Variants in MICAL3 observed in about 807,000 individuals in gnomAD.
The protein encoded by MICAL3 is microtubule associated monooxygenase, calponin and LIM domain containing 3.
MICAL3 carries 62 observed loss-of-function variants against 207.4 expected under a neutral mutation model. That is an observed-to-expected ratio of 0.30 (90% CI 0.24 to 0.37). MICAL3 has a LOEUF of 0.37. Among genes scored for constraint, MICAL3 ranks in the 10% least tolerant of loss-of-function variants. MICAL3 has a pLI of 1.00. For synonymous variants in MICAL3, 1,077 were observed against 1,069.3 expected (o/e 1.01, Z -0.14); for missense variants, 2,368 against 2,635.6 (o/e 0.90, Z 2.22).
intron 1 of MICAL3, among the ~76,000 whole-genome samples, chr22:17,914,582 G>A (rs1196240969): frequency 2.6e-5 from 4 of 152,158 alleles, no homozygotes; most frequent in Non-Finnish European, 4.4e-5. Context: ...CCGAGAGCAG[G>A]AACTTGCCTG....
At chr22:17,907,920 A>T (rs868627059) in intron 1 of MICAL3, among the ~76,000 whole-genome samples, 4 of 152,180 alleles carry the variant, frequency 2.6e-5, no homozygotes, top group Non-Finnish European at 5.9e-5. Context: ...GCAGTAAATG[A>T]CGATATCTAT....
At chr22:18,000,485 C>A (rs925309779) in intron 1 of MICAL3, among the ~76,000 whole-genome samples, 2 of 152,226 alleles carry the variant, frequency 1.3e-5, no homozygotes, top group Non-Finnish European at 2.9e-5. Context: ...GAGGGGCCTG[C>A]CAGACCCCTT....
intron 16 of MICAL3, among the ~76,000 whole-genome samples, chr22:17,877,863 G>A (rs976110494): frequency 1.4e-5 from 2 of 147,706 alleles, no homozygotes; most frequent in African/African-American, 2.5e-5. Flanking sequence ...TTTTGAGACC[G>A]AGTCTGATTC....
intron 23 of MICAL3, 148 bp downstream of exon 23, chr22:17,822,799 T>C: frequency 1.7e-6 from 1 of 575,938 alleles, no homozygotes; most frequent in Non-Finnish European, 3.1e-6. Context: ...GGTGGTTGGG[T>C]GGAATGAGAT....
chr22:17,820,738 G>A (rs1921490485), intron 25 of MICAL3, among the ~76,000 whole-genome samples: 2 of 151,316 alleles, frequency 1.3e-5, no homozygotes, highest in East Asian at 1.9e-4. Context: ...CCATCCCATC[G>A]ATATTATTGC....
intron 1 of MICAL3, among the ~76,000 whole-genome samples, chr22:17,936,054 G>A (rs1933509987): frequency 6.6e-6 from 1 of 152,184 alleles, no homozygotes; most frequent in Admixed American, 6.5e-5. Context: ...ATTACCATTT[G>A]ACCCAGCAAT....
At chr22:17,948,460 C>T (rs574446525) in intron 1 of MICAL3, among the ~76,000 whole-genome samples, 2 of 152,312 alleles carry the variant, frequency 1.3e-5, no homozygotes, top group East Asian at 3.9e-4. Flanking sequence ...TCCTGCTCCT[C>T]CCCTCCCCAG....
intron 16 of MICAL3, among the ~76,000 whole-genome samples, chr22:17,878,772 T>C (rs980092103): frequency 6.6e-6 from 1 of 152,160 alleles, no homozygotes; most frequent in African/African-American, 2.4e-5. Flanking sequence ...CTGCAATCAG[T>C]AATTTCTCCC....
intron 19 of MICAL3, chr22:17,842,315 T>C: frequency 2.5e-6 from 1 of 396,874 alleles, no homozygotes; most frequent in Non-Finnish European, 4.7e-6. Flanking sequence ...GAGTGACTGG[T>C]GGTGAGGGGT....
chr22:17,830,543 A>G (rs535568454), intron 21 of MICAL3, among the ~76,000 whole-genome samples: 83 of 152,358 alleles, frequency 5.4e-4, no homozygotes, highest in African/African-American at 1.9e-3. Flanking sequence ...TGTCTGGAAC[A>G]GTGCAAACAA....
intron 19 of MICAL3, among the ~76,000 whole-genome samples, chr22:17,846,892 AT>A (rs1164648617): frequency 3.9e-5 from 6 of 152,190 alleles, no homozygotes; most frequent in Admixed American, 3.3e-4. Context: ...CATATCCTAA[AT>A]AGGAAAGAGG....
rs536184968 is a variant in MICAL3 at position 18,014,647 on chromosome 22, A to G, written c.-75+9634T>C. On this transcript the variant is annotated intron_variant, in intron 1 of 31. Transcript: ENST00000441493. ...CTCTTAATGGGGGAAAAAGTCCCCA[A>G]AGATATGTTCCCTATGCTGGAAAAA... Among the ~76,000 whole-genome samples the G allele has an allele frequency of 1.8e-4, 28 of 152,286 alleles. No homozygotes were observed. In the South Asian group the frequency reaches 4.1e-3, roughly 23 times the overall value.
At chr22:17,811,902 G>A (rs1048573002) in intron 27 of MICAL3, among the ~76,000 whole-genome samples, 2 of 151,980 alleles carry the variant, frequency 1.3e-5, no homozygotes, top group African/African-American at 2.4e-5. Flanking sequence ...GTGCCACCTC[G>A]CCCGGACAAT....
chr22:17,931,250 C>T (rs754635236), intron 1 of MICAL3, among the ~76,000 whole-genome samples: 15 of 152,238 alleles, frequency 9.9e-5, no homozygotes, highest in Admixed American at 2.0e-4. Context: ...AAGTTGCACA[C>T]TCAAGCTTTG....
chr22:17,943,626 C>T (rs945144018), intron 1 of MICAL3, among the ~76,000 whole-genome samples: 2 of 152,236 alleles, frequency 1.3e-5, no homozygotes, highest in South Asian at 2.1e-4. Context: ...ATAGATCAGG[C>T]GATGTGCAGC....
rs1256864621 is a variant in MICAL3 at position 17,822,275 on chromosome 22, C to G, written c.3308-105G>C. The G allele has an allele frequency of 5.1e-6, 7 of 1,386,068 alleles. No homozygotes were observed. The South Asian group carries it at 8.4e-5, about 17-fold the overall frequency. 85.9% of individuals were successfully genotyped at this position (1,386,068 alleles called of 1,614,324 possible). A position where few individuals can be genotyped will look rare whatever the true frequency, so the allele number is the denominator to read the frequency against. On this transcript the variant is annotated intron_variant, in intron 23 of 31. Coordinates refer to ENST00000441493, the MANE Select transcript of MICAL3 (RefSeq NM_015241.3). The stretch of plus-strand genomic sequence containing the variant: ...CTTGCTCATTTGCAACACAGCTGCT[C>G]AGGTGCAGGCCTGGAGGCCCTTCTT...
At chr22:17,820,910 A>ATTTT in intron 25 of MICAL3, among the ~76,000 whole-genome samples, 1 of 145,578 alleles carries the variant, frequency 6.9e-6, no homozygotes. Flanking sequence ...TAATAAATTT[A>ATTTT]TATTTATAAA....
intron 21 of MICAL3, among the ~76,000 whole-genome samples, chr22:17,830,973 G>A (rs1175291902): frequency 2.6e-5 from 4 of 152,212 alleles, no homozygotes; most frequent in South Asian, 4.1e-4. Flanking sequence ...CCCCGGATGG[G>A]ACTGGGCAGC....
At chr22:17,888,786 C>T (rs550646783) in intron 13 of MICAL3, among the ~76,000 whole-genome samples, 5 of 152,280 alleles carry the variant, frequency 3.3e-5, no homozygotes, top group South Asian at 2.1e-4. Flanking sequence ...CGGAAAAAGA[C>T]GGCACAGGAA....
Sources: gnomAD v4.1 joint callset for allele counts (sites outside exome capture counted in the v4.1 genomes callset) on GRCh38, gnomAD v4.1.1 for gene constraint, MANE v1.5 for transcripts, NCBI Gene and HGNC (gene_info 2026-07-23, HGNC 2026-07-21) for gene names.